Variants in SLCO3A1 observed in about 807,000 individuals in gnomAD.
SLCO3A1 encodes solute carrier organic anion transporter family member 3A1.
Under a neutral mutation model 63.1 loss-of-function variants are expected in SLCO3A1, and 27 were observed. The ratio of observed to expected loss-of-function variants is 0.43; its 90% CI spans 0.32 to 0.59. SLCO3A1 has a LOEUF of 0.59. Among genes scored for constraint, SLCO3A1 ranks in the 20% least tolerant of loss-of-function variants. The pLI, the probability that SLCO3A1 is intolerant of heterozygous loss-of-function variation, is 0.09. For missense variants in SLCO3A1, 773 were observed against 945.8 expected (o/e 0.82, Z 2.40); for synonymous variants, 473 against 409.9 (o/e 1.15, Z -1.86).
chr15:92,113,620 C>T (rs1472049322), intron 4 of SLCO3A1, among the ~76,000 whole-genome samples: 2 of 152,168 alleles, frequency 1.3e-5, no homozygotes, highest in Non-Finnish European at 2.9e-5. Context: ...CTCAATAGCC[C>T]AGGGCAGAGG....
At chr15:91,998,506 A>G (rs1342067239) in intron 2 of SLCO3A1, among the ~76,000 whole-genome samples, 1 of 152,176 alleles carries the variant, frequency 6.6e-6, no homozygotes, top group East Asian at 1.9e-4. Context: ...TCTCAAAAGA[A>G]TATGTACAAG....
chr15:92,171,198 GT>G (rs2048519309), intron 10 of SLCO3A1: 1 of 152,496 alleles, frequency 6.6e-6, no homozygotes, highest in South Asian at 2.1e-4. Flanking sequence ...GACTAGTTGT[GT>G]TTTTAATACC....
intron 3 of SLCO3A1, 54 bp from the exon 4 acceptor site, chr15:92,104,225 C>T: frequency 2.5e-6 from 4 of 1,589,492 alleles, no homozygotes; most frequent in South Asian, 1.1e-5. Flanking sequence ...TCAGCAAAAT[C>T]CCCAGTGGTC....
chr15:91,971,319 C>T (rs1451929971), intron 2 of SLCO3A1, among the ~76,000 whole-genome samples: 2 of 141,646 alleles, frequency 1.4e-5, no homozygotes, highest in African/African-American at 5.2e-5. Flanking sequence ...GGGGTGAACC[C>T]GGGAGGCGGA....
At chr15:92,155,204 A>G (rs1289679963) in intron 9 of SLCO3A1, 1 of 151,736 alleles carries the variant, frequency 6.6e-6, no homozygotes, top group Non-Finnish European at 1.5e-5. Context: ...TGTCTTGGCT[A>G]CTCCTTTTCT....
At chr15:91,944,929 A>C (rs903139132) in intron 2 of SLCO3A1, among the ~76,000 whole-genome samples, 3 of 152,116 alleles carry the variant, frequency 2.0e-5, no homozygotes, top group Non-Finnish European at 4.4e-5. Context: ...CCAAATTTCA[A>C]CTTTTCTCCA....
intron 4 of SLCO3A1, among the ~76,000 whole-genome samples, chr15:92,105,582 C>T (rs2047658144): frequency 6.6e-6 from 1 of 152,166 alleles, no homozygotes; most frequent in African/African-American, 2.4e-5. Flanking sequence ...TGACAAGGAG[C>T]TGAATGTAGC....
chr15:91,902,170 CT>C (rs1323978362), intron 1 of SLCO3A1, among the ~76,000 whole-genome samples: 1 of 151,726 alleles, frequency 6.6e-6, no homozygotes, highest in Non-Finnish European at 1.5e-5. Context: ...CATTTGGTTC[CT>C]TTTTTTAAGA....
intron 7 of SLCO3A1, among the ~76,000 whole-genome samples, chr15:92,130,885 CAAAAAAAAA>C (rs993611856): frequency 3.7e-4 from 8 of 21,832 alleles, no homozygotes; most frequent in South Asian, 1.8e-3. Flanking sequence ...AAGTTCGGGG[CAAAAAAAAA>C]AAAAAAAAAA....
At chr15:92,026,682 T>C (rs1350674615) in intron 2 of SLCO3A1, among the ~76,000 whole-genome samples, 1 of 152,174 alleles carries the variant, frequency 6.6e-6, no homozygotes, top group East Asian at 1.9e-4. Flanking sequence ...GAAAGAGACA[T>C]GTACAAAGGA....
intron 2 of SLCO3A1, among the ~76,000 whole-genome samples, chr15:92,016,254 T>TAGATAGGTTAGA: frequency 1.0e-5 from 1 of 95,658 alleles, no homozygotes; most frequent in African/African-American, 3.9e-5. Flanking sequence ...GATAGATAGA[T>TAGATAGGTTAGA]TAGATAGATA....
chr15:91,929,942 A>T (rs751501854), intron 2 of SLCO3A1, among the ~76,000 whole-genome samples: 1 of 152,156 alleles, frequency 6.6e-6, no homozygotes, highest in African/African-American at 2.4e-5. Flanking sequence ...CCATTCATCT[A>T]TGAATGGACA....
At chr15:91,940,395 G>A (rs1236877590) in intron 2 of SLCO3A1, among the ~76,000 whole-genome samples, 3 of 152,182 alleles carry the variant, frequency 2.0e-5, no homozygotes, top group Non-Finnish European at 4.4e-5. Flanking sequence ...TGGAAGAGGG[G>A]ATCCAGACTC....
At chr15:91,997,439 A>G (rs1198301741) in intron 2 of SLCO3A1, among the ~76,000 whole-genome samples, 1 of 152,218 alleles carries the variant, frequency 6.6e-6, no homozygotes, top group African/African-American at 2.4e-5. Context: ...GCCAAAAGCA[A>G]TCTGCAGATC....
rs116870719 is a variant in SLCO3A1, at chr15:91,874,192, A to G, written c.180+20104A>G. On this transcript the variant is annotated intron_variant, in intron 1 of 9. Transcript: ENST00000318445. ...CATAATTATAACAATATGCTGTAAT[A>G]AAAGTTATGTGAATGTGGTCTCTCT... Among the ~76,000 whole-genome samples, 336 of 152,358 alleles carry G rather than the reference A, an allele frequency of 2.2e-3. 12 individuals are homozygous for G. In the East Asian group the frequency reaches 0.057, roughly 26 times the overall value.
chr15:91,914,255 C>T (rs1898578429), intron 1 of SLCO3A1, among the ~76,000 whole-genome samples: 1 of 152,204 alleles, frequency 6.6e-6, no homozygotes, highest in South Asian at 2.1e-4. Flanking sequence ...TCTCCATGCA[C>T]TCCTGCCATG....
intron 2 of SLCO3A1, among the ~76,000 whole-genome samples, chr15:92,087,814 C>T (rs1205382794): frequency 6.6e-6 from 1 of 152,174 alleles, no homozygotes; most frequent in Non-Finnish European, 1.5e-5. Flanking sequence ...CCACCACGCC[C>T]AGCCCCATCT....
Position 91,973,635 on chromosome 15 carries a change from C to T in SLCO3A1, c.646+57177C>T, listed in dbSNP as rs76877947. ...TGCTTTTGCACCTCATGACGTTTGG[C>T]AGTGTCTGGATTCATTTTTGGTTGC... On this transcript the variant is annotated intron_variant, in intron 2 of 9. Coordinates refer to ENST00000318445, the MANE Select transcript of SLCO3A1 (RefSeq NM_013272.4). 1.4e-3 allele frequency among the ~76,000 whole-genome samples: 213 copies of T among 152,256 alleles called. 7 individuals carry two copies. In the East Asian group the frequency reaches 0.037, roughly 26 times the overall value.
At chr15:92,010,600 C>G (rs1366439557) in intron 2 of SLCO3A1, among the ~76,000 whole-genome samples, 1 of 152,120 alleles carries the variant, frequency 6.6e-6, no homozygotes, top group African/African-American at 2.4e-5. Context: ...GTTACAGTGC[C>G]ATTGTCCTTA....
Sources: allele counts gnomAD v4.1 joint callset (sites outside exome capture counted in the v4.1 genomes callset), GRCh38; gene constraint gnomAD v4.1.1; transcripts MANE v1.5; gene names NCBI Gene and HGNC (gene_info 2026-07-23, HGNC 2026-07-21).